Variants in GLYAT observed in about 807,000 individuals in gnomAD.
GLYAT encodes glycine-N-acyltransferase, also known as glycine N-acyltransferase.
A neutral mutation model predicts 22.8 loss-of-function variants in GLYAT; 25 were observed. The ratio of observed to expected loss-of-function variants is 1.09; its 90% CI spans 0.80 to 1.53. The LOEUF (loss-of-function observed/expected upper bound fraction) is 1.53, where lower values mean the gene tolerates loss of function less well. GLYAT is among the 40% of genes most tolerant of loss of function. The probability of loss-of-function intolerance (pLI) is 0.00; values close to 1 mark genes in which losing one functional copy is unlikely to be tolerated. For synonymous variants in GLYAT, 140 were observed against 122.7 expected (o/e 1.14, Z -0.93); for missense variants, 411 against 353.9 (o/e 1.16, Z -1.29).
At chr11:58,719,963 A>C (rs1045987781) in intron 2 of GLYAT, among the ~76,000 whole-genome samples, 2 of 151,976 alleles carry the variant, frequency 1.3e-5, no homozygotes, top group Non-Finnish European at 2.9e-5. Context: ...TGTCCTGAAC[A>C]TCCCTCTTTT....
In GLYAT at chr11:58,712,754, A is replaced by G. The variant is rs1373369063; in HGVS notation, c.316+6T>C. On this transcript the variant is annotated splice_donor_region_variant and intron_variant, in intron 4 of 5. Transcript: ENST00000344743. Reference sequence around the variant, plus strand: ...AGTCAGCACACATCCCATTCCTCTTACTTACTTTGAATCTGTAAATGCTGT... The same window carrying G: ...AGTCAGCACACATCCCATTCCTCTTGCTTACTTTGAATCTGTAAATGCTGT... The G allele has an allele frequency of 1.2e-6, 2 of 1,612,432 alleles. No individual in the cohort carries two copies. Among genetic ancestry groups the G allele is most frequent in the Non-Finnish European group, 8.5e-7 (1 of 1,178,768 alleles).
chr11:58,714,618 G>C (rs1272678401), intron 3 of GLYAT, among the ~76,000 whole-genome samples: 3 of 152,010 alleles, frequency 2.0e-5, no homozygotes, highest in Admixed American at 2.0e-4. Flanking sequence ...TGAATCATTG[G>C]GGTGGTTTCC....
intron 2 of GLYAT, among the ~76,000 whole-genome samples, chr11:58,717,198 T>A (rs1856692098): frequency 6.6e-6 from 1 of 152,076 alleles, no homozygotes; most frequent in Non-Finnish European, 1.5e-5. Context: ...CATTTAACAA[T>A]AAAATGAGTC....
chr11:58,712,137 A>G (rs969639466), intron 4 of GLYAT, among the ~76,000 whole-genome samples: 2 of 152,244 alleles, frequency 1.3e-5, no homozygotes, highest in Admixed American at 6.5e-5. Flanking sequence ...CAAATGGTTG[A>G]TTCACAGAAT....
chr11:58,715,813 A>C (rs1399340418), intron 2 of GLYAT, among the ~76,000 whole-genome samples: 1 of 152,190 alleles, frequency 6.6e-6, no homozygotes. Context: ...CATCACAGTT[A>C]ATCACTTGCC....
intron 3 of GLYAT, among the ~76,000 whole-genome samples, chr11:58,713,221 T>C (rs1856638664): frequency 6.6e-6 from 1 of 152,160 alleles, no homozygotes; most frequent in Admixed American, 6.6e-5. Flanking sequence ...TAGAACTTAT[T>C]TCCTTTATCT....
chr11:58,710,936 A>C (rs1856608309), intron 4 of GLYAT, among the ~76,000 whole-genome samples, 175 bp from the exon 5 acceptor site: 1 of 152,212 alleles, frequency 6.6e-6, no homozygotes, highest in African/African-American at 2.4e-5. Flanking sequence ...TCCTCTTCAA[A>C]AAGACTTCCC....
chr11:58,710,159 C>A lies in GLYAT; in HGVS notation c.498G>T (p.Glu166Asp). 1 of 1,611,388 alleles carries A rather than the reference C, an allele frequency of 6.2e-7. No homozygotes were observed. Among genetic ancestry groups the A allele is most frequent in the Non-Finnish European group, 8.5e-7 (1 of 1,178,434 alleles). ...NGGKPKAINQ[E>D]MFKLSSMDVT... is the part of the protein sequence containing the mutation. ...CATCCATGGATGAGAGTTTAAACAT[C>A]TCTTGGTTGCTATGGAGGGTCCAAG... Residue 166 changes from glutamate to aspartate, a missense_variant, in exon 6 of 6, where the codon GAG (glutamate) becomes GAT (aspartate). Transcript: ENST00000344743.
At position 58,710,178 on chromosome 11, in the gene GLYAT, G is replaced by A; in HGVS notation, c.489-10C>T. 1 of 1,597,292 alleles carries A rather than the reference G, an allele frequency of 6.3e-7. No homozygotes were observed. The highest frequency in any genetic ancestry group is 8.5e-7 in the Non-Finnish European group (1 of 1,171,290). On this transcript the variant is annotated splice_polypyrimidine_tract_variant and intron_variant, in intron 5 of 5. Coordinates refer to ENST00000344743, the MANE Select transcript of GLYAT (RefSeq NM_201648.3). The stretch of plus-strand genomic sequence containing the variant: ...AAACATCTCTTGGTTGCTATGGAGG[G>A]TCCAAGAAGAAAACAAAATCCATTA...
At chr11:58,717,584 AT>A (rs1856699637) in intron 2 of GLYAT, among the ~76,000 whole-genome samples, 1 of 152,124 alleles carries the variant, frequency 6.6e-6, no homozygotes, top group Admixed American at 6.6e-5. Context: ...AATTTAAAAC[AT>A]TATTTTGAAG....
At chr11:58,710,871 G>A in intron 4 of GLYAT, 110 bp from the exon 5 acceptor site, 1 of 698,468 alleles carries the variant, frequency 1.4e-6, no homozygotes, top group African/African-American at 1.8e-5. Context: ...CTTGGTTCTG[G>A]GCTTGGTGCT....
intron 2 of GLYAT, among the ~76,000 whole-genome samples, chr11:58,723,786 T>G (rs1406928509): frequency 6.6e-6 from 1 of 151,688 alleles, no homozygotes; most frequent in African/African-American, 2.4e-5. Context: ...TTTATATATA[T>G]CCATTTATAT....
chr11:58,719,224 C>T (rs924308914), intron 2 of GLYAT, among the ~76,000 whole-genome samples: 2 of 151,870 alleles, frequency 1.3e-5, no homozygotes, highest in Non-Finnish European at 2.9e-5. Flanking sequence ...AAGTCAAAGA[C>T]TTCAAAAAAC....
chr11:58,717,614 T>A (rs1404327742), intron 2 of GLYAT, among the ~76,000 whole-genome samples: 1 of 151,384 alleles, frequency 6.6e-6, no homozygotes, highest in Admixed American at 6.6e-5. Context: ...CCAAGAAAAA[T>A]AGAATTCAGT....
intron 2 of GLYAT, among the ~76,000 whole-genome samples, chr11:58,719,385 G>A (rs1435954823): frequency 6.6e-6 from 1 of 151,902 alleles, no homozygotes; most frequent in African/African-American, 2.4e-5. Context: ...ACTTCCTTAA[G>A]CCTCTTATAA....
chr11:58,725,265 G>A (rs1856800031), intron 1 of GLYAT, among the ~76,000 whole-genome samples: 1 of 152,094 alleles, frequency 6.6e-6, no homozygotes, highest in Admixed American at 6.6e-5. Context: ...ACATTTTGTA[G>A]AAATTACTAA....
chr11:58,710,647 G>A lies in GLYAT; in HGVS notation c.431C>T (p.Thr144Ile), dbSNP rs553510303. ...YMAAETAKEL[T>I]PFLLKSKILS... is the part of the protein sequence containing the mutation. ...AATCTTTGATTTCAGCAGGAAAGGA[G>A]TCAGTTCCTTGGCTGTTTCAGCTGC... The change falls in exon 5 of 6, where the codon ACT (threonine) becomes ATT (isoleucine). Residue 144 changes from threonine (T) to isoleucine (I), a missense_variant. Physicochemically the swap from Thr to Ile is moderately conservative, Grantham distance 89. Transcript: ENST00000344743. 6.2e-7 allele frequency: 1 copy of A among 1,608,888 alleles called. No homozygotes were observed. The highest frequency in any genetic ancestry group is 8.5e-7 in the Non-Finnish European group (1 of 1,175,310).
At chr11:58,723,575 A>C (rs1305120739) in intron 2 of GLYAT, among the ~76,000 whole-genome samples, 2 of 152,084 alleles carry the variant, frequency 1.3e-5, no homozygotes, top group Non-Finnish European at 2.9e-5. Context: ...AAATGTATGC[A>C]CTATATAGGA....
intron 1 of GLYAT, among the ~76,000 whole-genome samples, chr11:58,725,595 C>T (rs1380780328): frequency 6.6e-6 from 1 of 152,086 alleles, no homozygotes; most frequent in African/African-American, 2.4e-5. Context: ...GCCTCCTCAA[C>T]AGAAAGAATT....
Sources: gnomAD v4.1 joint callset for allele counts (sites outside exome capture counted in the v4.1 genomes callset) on GRCh38, gnomAD v4.1.1 for gene constraint, MANE v1.5 for transcripts, NCBI Gene and HGNC (gene_info 2026-07-23, HGNC 2026-07-21) for gene names.